The following L3MBTL1 variants were observed in gnomAD, a reference collection of about 807,000 sequenced individuals.
L3MBTL1 encodes the protein lethal(3)malignant brain tumor-like protein 1.
Under a neutral mutation model 105.3 loss-of-function variants are expected in L3MBTL1, and 75 were observed. That is an observed-to-expected ratio of 0.71 (90% confidence interval 0.59 to 0.86). The LOEUF is 0.86. L3MBTL1 is among the 40% of genes least tolerant of loss of function. The pLI is 0.00. For synonymous variants in L3MBTL1, 452 were observed against 436.2 expected, an observed-to-expected ratio of 1.04 and a Z score of -0.45; for missense variants, 1,069 against 1,126.4, an observed-to-expected ratio of 0.95 and a Z score of 0.73.
chr20:43,513,936 T>G lies in L3MBTL1; in HGVS notation c.235T>G (p.Cys79Gly). The G allele has an allele frequency of 1.3e-6, 2 of 1,550,232 alleles. No homozygotes were observed. The highest frequency in any genetic ancestry group is 1.7e-6 in the Non-Finnish European group (2 of 1,146,986). Reference sequence around the variant, plus strand: ...GGGTGCCCCGGAGCAAGTGGCCGGCTGCGAACCAGTTTCTGCCACCGTCCT... The same window carrying G: ...GGGTGCCCCGGAGCAAGTGGCCGGCGGCGAACCAGTTTCTGCCACCGTCCT... ...HVGAPEQVAG[C>G]EPVSATVLPQ... is the part of the protein sequence containing the mutation. Residue 79 changes from cysteine (C) to glycine (G), a missense_variant, in exon 3 of 22, where the codon TGC becomes GGC. Transcript: ENST00000418998.
chr20:43,516,221 A>T, intron 7 of L3MBTL1, 44 bp downstream of exon 7: 1 of 1,449,722 alleles, frequency 6.9e-7, no homozygotes, highest in African/African-American at 1.4e-5. Flanking sequence ...AGGTGTGTAT[A>T]TACCTTTGGA....
chr20:43,515,701 A>G, intron 6 of L3MBTL1: 4 of 467,086 alleles, frequency 8.6e-6, no homozygotes, highest in Non-Finnish European at 1.6e-5. Context: ...GCAGCTGGAA[A>G]ACTCCATCAC....
intron 7 of L3MBTL1, 54 bp downstream of exon 7, chr20:43,516,231 A>G (rs1429924991): frequency 3.0e-6 from 4 of 1,328,856 alleles, no homozygotes; most frequent in Non-Finnish European, 4.3e-6. Flanking sequence ...ATACCTTTGG[A>G]GGTGTGAGGC....
chr20:43,540,643 G>T, intron 20 of L3MBTL1, 110 bp from the exon 21 acceptor site: 1 of 1,057,314 alleles, frequency 9.5e-7, no homozygotes, highest in South Asian at 1.5e-5. Context: ...TTAGGCTGGT[G>T]AGAAAAAGCA....
chr20:43,540,428 C>A, intron 20 of L3MBTL1, 120 bp downstream of exon 20: 1 of 1,166,186 alleles, frequency 8.6e-7, no homozygotes, highest in South Asian at 1.4e-5. Context: ...ACCTCTTGCT[C>A]ATCTGTCCTG....
chr20:43,521,653 G>C (rs1481422546), intron 7 of L3MBTL1, among the ~76,000 whole-genome samples: 1 of 152,086 alleles, frequency 6.6e-6, no homozygotes, highest in East Asian at 1.9e-4. Context: ...CATGAGACTA[G>C]GTGATTAAGA....
intron 17 of L3MBTL1, 63 bp from the exon 18 acceptor site, chr20:43,536,034 G>C (rs2019593241): frequency 6.3e-7 from 1 of 1,594,270 alleles, no homozygotes; most frequent in Non-Finnish European, 8.6e-7. Flanking sequence ...GCTGGGACCA[G>C]GGCTGAGGAG....
chr20:43,533,408 C>T lies in L3MBTL1; in HGVS notation c.1503C>T (p.Thr501=). 2 of 1,613,330 alleles carry T rather than the reference C, an allele frequency of 1.2e-6. No homozygotes were observed. The highest frequency in any genetic ancestry group is 2.2e-5 in the East Asian group (1 of 44,832). ...GWCQKQGKPL[T]PPQDYPDPDN... ...GCCAGAAGCAAGGAAAGCCCCTCAC[C>T]CCTCCACAAGGTGACCCTGCAGCCT... The change falls in exon 13 of 22, where the codon ACC becomes ACT. Residue 501 remains threonine, a synonymous_variant. Coordinates refer to ENST00000418998, the MANE Select transcript of L3MBTL1 (RefSeq NM_001377303.1).
chr20:43,533,634 A>G (rs2019456037), intron 13 of L3MBTL1, among the ~76,000 whole-genome samples: 1 of 152,204 alleles, frequency 6.6e-6, no homozygotes, highest in African/African-American at 2.4e-5. Flanking sequence ...GTTTAGGGGA[A>G]GAAAGTTACA....
chr20:43,517,325 C>T (rs1455137792), intron 7 of L3MBTL1, among the ~76,000 whole-genome samples: 8 of 152,138 alleles, frequency 5.3e-5, no homozygotes, highest in Admixed American at 4.6e-4. Context: ...CGAACTCTTA[C>T]CTCAGGTTAT....
chr20:43,536,033 A>C (rs1416386705), intron 17 of L3MBTL1, 64 bp from the exon 18 acceptor site: 1 of 1,593,198 alleles, frequency 6.3e-7, no homozygotes, highest in Non-Finnish European at 8.6e-7. Flanking sequence ...AGCTGGGACC[A>C]GGGCTGAGGA....
rs777353583 is a variant in L3MBTL1 at position 43,536,142 on chromosome 20, C to G, written c.1971C>G (p.Gly657=). 6.2e-7 allele frequency: 1 copy of G among 1,613,776 alleles called. No homozygotes were observed. The highest frequency in any genetic ancestry group is 8.5e-7 in the Non-Finnish European group (1 of 1,180,036). ...PGCDGSGHVT[G]KFTAHHCLSG... ...GCGACGGCTCTGGCCATGTCACAGG[C>G]AAGTTCACAGCTCACCATTGCCTCT... Residue 657 remains glycine (G), a synonymous_variant, in exon 18 of 22, where the codon GGC becomes GGG. Coordinates refer to ENST00000418998, the MANE Select transcript of L3MBTL1 (RefSeq NM_001377303.1).
intron 7 of L3MBTL1, among the ~76,000 whole-genome samples, chr20:43,516,466 A>C (rs1297273273): frequency 1.3e-5 from 2 of 152,182 alleles, no homozygotes; most frequent in Non-Finnish European, 2.9e-5. Context: ...AGACTTGAGT[A>C]ACTTTTACTG....
exon 19 of L3MBTL1, chr20:43,548,374 C>T: frequency 1.1e-6 from 1 of 875,134 alleles, no homozygotes; most frequent in Non-Finnish European, 1.5e-6. Flanking sequence ...CAGGCTGGTC[C>T]TTCTTAGAGG....
At position 43,513,601 on chromosome 20, in the gene L3MBTL1, C is replaced by T; in HGVS notation, c.98C>T (p.Ser33Phe). The change falls in exon 2 of 22, where the codon TCT becomes TTT. Residue 33 changes from serine to phenylalanine, a missense_variant. Transcript: ENST00000418998. ...MHLVAGDSPG[S>F]GPHLPATAFI... ...TTGGTGGCCGGAGACAGCCCCGGTT[C>T]TGGTCCTCACCTGCCCGCAACTGCC... 6.4e-7 allele frequency: 1 copy of T among 1,550,596 alleles called. No homozygotes were observed.
intron 13 of L3MBTL1, 120 bp downstream of exon 13, chr20:43,533,538 C>A: frequency 5.0e-6 from 4 of 797,946 alleles, no homozygotes; most frequent in Non-Finnish European, 7.9e-6. Context: ...AGAGAACAGA[C>A]ATGTCCTGAA....
In L3MBTL1 at chr20:43,517,882, A is replaced by C. The variant is rs2018483136; in HGVS notation, c.862+1705A>C. ...CTTCCAACTTCTGCCCATTGTAGCT[A>C]AACCAGAACTTCACTATTATGTCTC... On this transcript the variant is annotated intron_variant, in intron 7 of 21. Coordinates refer to ENST00000418998, the MANE Select transcript of L3MBTL1 (RefSeq NM_001377303.1). 1.3e-5 allele frequency among the ~76,000 whole-genome samples: 2 copies of C among 152,212 alleles called. 1 individual carries two copies. The highest frequency in any genetic ancestry group is 1.3e-4 in the Admixed American group (2 of 15,274).
chr20:43,520,638 G>C (rs1204038004), intron 7 of L3MBTL1, among the ~76,000 whole-genome samples: 1 of 152,134 alleles, frequency 6.6e-6, no homozygotes, highest in Non-Finnish European at 1.5e-5. Flanking sequence ...GCATTTCCCT[G>C]ATGGCTAATG....
rs553382728 is a variant in L3MBTL1, at chr20:43,536,178, A to G, written c.2007A>G (p.Pro669=). 9 of 1,613,612 alleles carry G rather than the reference A, an allele frequency of 5.6e-6. No homozygotes were observed. Among genetic ancestry groups the G allele is most frequent in the African/African-American group, 2.7e-5 (2 of 75,062 alleles). ...FTAHHCLSGC[P]LAERNQSRLK... The stretch of plus-strand genomic sequence containing the variant: ...CTCACCATTGCCTCTCAGGCTGCCC[A>G]CTGGCTGAGAGGAACCAGAGCCGGC... Residue 669 remains proline (P), a synonymous_variant, in exon 18 of 22, where the codon CCA becomes CCG. Coordinates refer to ENST00000418998, the MANE Select transcript of L3MBTL1 (RefSeq NM_001377303.1).
Sources: allele counts gnomAD v4.1 joint callset (sites outside exome capture counted in the v4.1 genomes callset), GRCh38; gene constraint gnomAD v4.1.1; transcripts MANE v1.5; gene names NCBI Gene and HGNC (gene_info 2026-07-23, HGNC 2026-07-21).